The following IL1RAPL2 variants were observed in gnomAD, a reference collection of about 807,000 sequenced individuals.
IL1RAPL2 encodes the protein X-linked interleukin-1 receptor accessory protein-like 2.
IL1RAPL2 carries 3 observed loss-of-function variants against 44.1 expected under a neutral mutation model. The observed-to-expected ratio is 0.07, with a 90% CI of 0.03 to 0.18. The LOEUF is 0.18. IL1RAPL2 is among the 10% of genes least tolerant of loss of function. IL1RAPL2 has a pLI of 1.00. For missense variants in IL1RAPL2, 391 were observed against 496.4 expected (o/e 0.79, Z 2.02); for synonymous variants, 181 against 178.8 (o/e 1.01, Z -0.10).
chrX:104,932,394 A>G lies in IL1RAPL2; in HGVS notation c.83-263081A>G, dbSNP rs185605608. Among the ~76,000 whole-genome samples, 311 of 111,555 alleles carry G rather than the reference A, an allele frequency of 2.8e-3. 2 individuals carry two copies. The highest frequency in any genetic ancestry group is 9.7e-3 in the African/African-American group (298 of 30,783). ...GGGTGGCATCAAATACTACAATTTT[A>G]CAGGTAAAAAATCACACATACACAC... On this transcript the variant is annotated intron_variant, in intron 2 of 10. Transcript: ENST00000372582.
intron 2 of IL1RAPL2, among the ~76,000 whole-genome samples, chrX:104,724,948 C>T (rs1931759796): frequency 3.6e-5 from 4 of 111,186 alleles, no homozygotes; most frequent in African/African-American, 1.3e-4. Context: ...AGGTTTGCTA[C>T]ATAGGTATAC....
intron 2 of IL1RAPL2, among the ~76,000 whole-genome samples, chrX:105,181,947 G>C (rs1472648265): frequency 2.8e-5 from 3 of 108,594 alleles, no homozygotes; most frequent in African/African-American, 1.0e-4. Context: ...GGCGCCTGTA[G>C]TCCCAGCTAC....
chrX:104,788,240 CAGTT>C (rs1386982564), intron 2 of IL1RAPL2, among the ~76,000 whole-genome samples: 1 of 112,029 alleles, frequency 8.9e-6, no homozygotes, highest in African/African-American at 3.2e-5. Context: ...GACATCATAA[CAGTT>C]AGGCATGATC....
chrX:104,923,768 A>G (rs1045120284), intron 2 of IL1RAPL2, among the ~76,000 whole-genome samples: 1 of 111,252 alleles, frequency 9.0e-6, no homozygotes, highest in African/African-American at 3.3e-5. Flanking sequence ...TAACTAGGAA[A>G]CAAAACCATG....
chrX:105,582,762 A>G (rs1183185130), intron 6 of IL1RAPL2, among the ~76,000 whole-genome samples: 2 of 109,298 alleles, frequency 1.8e-5, no homozygotes, highest in African/African-American at 6.7e-5. Context: ...ATTTTTTAAT[A>G]TATTTTGGTC....
At chrX:105,454,112 C>A (rs2036038906) in intron 5 of IL1RAPL2, among the ~76,000 whole-genome samples, 1 of 111,107 alleles carries the variant, frequency 9.0e-6, no homozygotes, top group Non-Finnish European at 1.9e-5. Context: ...GAGAGACTCC[C>A]CATTAGGATA....
chrX:105,383,052 T>C (rs1464302228), intron 5 of IL1RAPL2, among the ~76,000 whole-genome samples: 5 of 108,992 alleles, frequency 4.6e-5, no homozygotes, highest in Admixed American at 2.0e-4. Flanking sequence ...CACACGAACA[T>C]GGCACATGTA....
intron 2 of IL1RAPL2, among the ~76,000 whole-genome samples, chrX:105,172,604 T>C (rs1229948209): frequency 8.9e-6 from 1 of 111,767 alleles, no homozygotes; most frequent in Non-Finnish European, 1.9e-5. Flanking sequence ...CTAGCAATTT[T>C]ACATAGAGTC....
At chrX:104,872,477 A>G (rs1342348535) in intron 2 of IL1RAPL2, among the ~76,000 whole-genome samples, 1 of 112,208 alleles carries the variant, frequency 8.9e-6, no homozygotes, top group Non-Finnish European at 1.9e-5. Context: ...TTCATTAGCT[A>G]CATGGTAAAT....
intron 1 of IL1RAPL2, among the ~76,000 whole-genome samples, chrX:104,603,014 C>A (rs138317743): frequency 9.0e-6 from 1 of 111,588 alleles, no homozygotes; most frequent in African/African-American, 3.3e-5. Context: ...GATCCCTGAA[C>A]CGCATGTATC....
chrX:105,571,106 C>T (rs1206402599), intron 6 of IL1RAPL2, among the ~76,000 whole-genome samples: 1 of 111,350 alleles, frequency 9.0e-6, no homozygotes. Context: ...GAATCATAAC[C>T]TTTATAGATG....
chrX:105,004,747 T>C (rs192701598), intron 2 of IL1RAPL2, among the ~76,000 whole-genome samples: 13 of 111,291 alleles, frequency 1.2e-4, no homozygotes, highest in African/African-American at 4.2e-4. Flanking sequence ...CTATTTTTAA[T>C]AAGGATCTTG....
chrX:105,247,294 A>G (rs2034227629), intron 4 of IL1RAPL2, among the ~76,000 whole-genome samples: 1 of 111,010 alleles, frequency 9.0e-6, no homozygotes, highest in African/African-American at 3.3e-5. Context: ...TCTGACATCT[A>G]GTGTTCTCAT....
At position 105,337,475 on chromosome X, in the gene IL1RAPL2, A is replaced by C. The variant is rs73245774; in HGVS notation, c.697+69934A>C. ...TGCTTTATTTTGATGTTTACATCCT[A>C]AGTAAGGACTTTGTTGCAAATACTG... is the stretch of plus-strand genomic sequence containing the variant. On this transcript the variant is annotated intron_variant, in intron 5 of 10. Transcript: ENST00000372582. Among the ~76,000 whole-genome samples the C allele has an allele frequency of 4.3e-3, 484 of 112,317 alleles. 1 individual carries two copies. The highest frequency in any genetic ancestry group is 7.4e-3 in the Non-Finnish European group (395 of 53,245).
intron 6 of IL1RAPL2, among the ~76,000 whole-genome samples, chrX:105,687,590 C>A (rs1407608497): frequency 9.0e-6 from 1 of 111,217 alleles, no homozygotes; most frequent in African/African-American, 3.3e-5. Flanking sequence ...TAATAGCCTA[C>A]CAACCAAAAA....
chrX:104,695,456 A>G (rs1931163213), intron 2 of IL1RAPL2, among the ~76,000 whole-genome samples: 1 of 110,895 alleles, frequency 9.0e-6, no homozygotes, highest in African/African-American at 3.3e-5. Flanking sequence ...ATGTTTATGT[A>G]TGGCTAATGG....
chrX:105,655,975 A>G (rs1410056351), intron 6 of IL1RAPL2, among the ~76,000 whole-genome samples: 2 of 111,875 alleles, frequency 1.8e-5, no homozygotes, highest in East Asian at 2.8e-4. Flanking sequence ...AAATAATCCA[A>G]TTACACTCTG....
chrX:105,674,687 TTC>T (rs2037853830), intron 6 of IL1RAPL2, among the ~76,000 whole-genome samples: 1 of 112,023 alleles, frequency 8.9e-6, no homozygotes, highest in Non-Finnish European at 1.9e-5. Flanking sequence ...TTTTTTCTAA[TTC>T]TGTGAAGAAT....
In IL1RAPL2 at chrX:105,261,478, T is replaced by G. The variant is rs777047005; in HGVS notation, c.544-5910T>G. ...TGCTTGCTCTCTCTTCAGGCTGTTT[T>G]TTTGTTTGTTTGTTTGTTTGTTTGT... On this transcript the variant is annotated intron_variant, in intron 4 of 10. Transcript: ENST00000372582. 9.9e-5 allele frequency among the ~76,000 whole-genome samples: 11 copies of G among 110,575 alleles called. No individual in the cohort carries two copies. The East Asian group carries it at 1.1e-3, about 11-fold the overall frequency.
Sources: allele counts gnomAD v4.1 joint callset (sites outside exome capture counted in the v4.1 genomes callset), GRCh38; gene constraint gnomAD v4.1.1; transcripts MANE v1.5; gene names NCBI Gene and HGNC (gene_info 2026-07-23, HGNC 2026-07-21).